The following VILL variants were observed in gnomAD, a reference collection of about 807,000 sequenced individuals.
VILL encodes the protein villin-like protein.
In VILL, 102 loss-of-function variants were observed where a neutral mutation model predicts 106.3. The observed-to-expected ratio is 0.96, with a 90% CI of 0.82 to 1.13. The LOEUF (loss-of-function observed/expected upper bound fraction) is 1.13. Ranked by LOEUF, VILL falls within the 50% of genes most tolerant of loss-of-function variation. VILL has a pLI of 0.00. For synonymous variants in VILL, 431 were observed against 440.3 expected (o/e 0.98, Z 0.27); for missense variants, 1,076 against 1,116.6 (o/e 0.96, Z 0.52).
Position 37,997,731 on chromosome 3 carries a change from C to T in VILL, c.764+46C>T, listed in dbSNP as rs757897590. The T allele has an allele frequency of 3.2e-6, 5 of 1,567,976 alleles. No individual in the cohort carries two copies. In the East Asian group the frequency reaches 9.0e-5, roughly 28 times the overall value. On this transcript the variant is annotated intron_variant, in intron 7 of 19. Coordinates refer to ENST00000383759, the MANE Select transcript of VILL (RefSeq NM_015873.4). The surrounding 1 kb of genome is among the most constrained non-coding windows in gnomAD (Gnocchi z 4.7). Reference sequence around the variant, plus strand: ...CAGGGGTGGGTGGGACAGTCCAGGACTCTGTGTCCATCACTACTGCAATAA... The same window carrying T: ...CAGGGGTGGGTGGGACAGTCCAGGATTCTGTGTCCATCACTACTGCAATAA...
At chr3:37,994,501 G>A (rs1465856026) in intron 4 of VILL, 35 bp downstream of exon 4, 4 of 1,594,654 alleles carry the variant, frequency 2.5e-6, no homozygotes, top group Admixed American at 1.9e-5. Context: ...GGAGGGAGCC[G>A]TGGAGGCGGT....
chr3:38,000,559 C>T (rs555950632), intron 11 of VILL, among the ~76,000 whole-genome samples: 20 of 152,034 alleles, frequency 1.3e-4, no homozygotes, highest in African/African-American at 4.6e-4. Context: ...GAAGGAAAGG[C>T]GAGGGACGGA....
rs770354429 is a variant in VILL at position 38,005,880 on chromosome 3, G to A, written c.2039G>A (p.Arg680Lys). 1 of 1,614,180 alleles carries A rather than the reference G, an allele frequency of 6.2e-7. No homozygotes were observed. Among genetic ancestry groups the A allele is most frequent in the South Asian group, 1.1e-5 (1 of 91,088 alleles). ...TACCTGAAGACTCACCCAGCAGGGAGGAGCCCGGCCACACCCATCGTGCTG... is the reference window on the plus strand; with the variant it reads ...TACCTGAAGACTCACCCAGCAGGGAAGAGCCCGGCCACACCCATCGTGCTG... The part of the protein sequence containing the change: ...QEYLKTHPAG[R>K]SPATPIVLVK... Residue 680 changes from arginine to lysine, a missense_variant, in exon 17 of 20, where the codon AGG becomes AAG. Coordinates refer to ENST00000383759, the MANE Select transcript of VILL (RefSeq NM_015873.4).
In VILL at chr3:38,004,452, TTGTG is replaced by T. The variant is rs1473872443; in HGVS notation, c.1950+55_1950+58del. On this transcript the variant is annotated intron_variant, in intron 16 of 19. Coordinates refer to ENST00000383759, the MANE Select transcript of VILL (RefSeq NM_015873.4). ...GCTGTGAACGGGGGTGTGTTTCTGT[TTGTG>T]TAACTGGGTGTGTGTGTATCTAGCC... 5.1e-6 allele frequency: 8 copies of T among 1,578,270 alleles called. No homozygotes were observed. In the African/African-American group the frequency reaches 9.4e-5, roughly 19 times the overall value.
chr3:38,000,329 G>A (rs1320005407), intron 11 of VILL, among the ~76,000 whole-genome samples: 1 of 152,028 alleles, frequency 6.6e-6, no homozygotes, highest in Non-Finnish European at 1.5e-5. Context: ...GGGGAGACAG[G>A]GAAAGAGGAA....
intron 11 of VILL, chr3:38,001,042 G>A (rs1169665229): frequency 2.1e-6 from 1 of 467,612 alleles, no homozygotes; most frequent in Non-Finnish European, 4.3e-6. Context: ...CAGGCTTTGT[G>A]TTTTCTAAAT....
chr3:38,001,688 G>A lies in VILL; in HGVS notation c.1321-14G>A. Reference sequence around the variant, plus strand: ...GAGCTGGGCCAGGCCCTCACTCACTGCCCCCACCTGCAGGGCCACCAGGCC... The same window carrying A: ...GAGCTGGGCCAGGCCCTCACTCACTACCCCCACCTGCAGGGCCACCAGGCC... On this transcript the variant is annotated splice_polypyrimidine_tract_variant and intron_variant, in intron 12 of 19. Coordinates refer to ENST00000383759, the MANE Select transcript of VILL (RefSeq NM_015873.4). 6.2e-7 allele frequency: 1 copy of A among 1,614,038 alleles called. No homozygotes were observed. Among genetic ancestry groups the A allele is most frequent in the African/African-American group, 1.3e-5 (1 of 75,074 alleles).
Position 38,001,817 on chromosome 3 carries a change from C to T in VILL, c.1436C>T (p.Pro479Leu). ...CATGTGACCATGGGCAGCGAGCCCC[C>T]CCACTTCCTCGCCATCTTCCAGGGC... Reference protein sequence around the residue: ...QEHVTMGSEPPHFLAIFQGQL... With the variant: ...QEHVTMGSEPLHFLAIFQGQL... The change falls in exon 13 of 20, where the codon CCC becomes CTC. Residue 479 changes from proline to leucine, a missense_variant. Pro to Leu is a moderately conservative substitution (Grantham distance 98). Coordinates refer to ENST00000383759, the MANE Select transcript of VILL (RefSeq NM_015873.4). 6.2e-7 allele frequency: 1 copy of T among 1,614,236 alleles called. No homozygotes were observed. Among genetic ancestry groups the T allele is most frequent in the Non-Finnish European group, 8.5e-7 (1 of 1,180,042 alleles).
At chr3:38,004,706 T>C (rs571182255) in intron 16 of VILL, among the ~76,000 whole-genome samples, 8 of 152,316 alleles carry the variant, frequency 5.3e-5, no homozygotes, top group African/African-American at 1.9e-4. Context: ...CGACAGTGCC[T>C]GCGGCCGAGC....
At chr3:37,988,390 T>C (rs1042859099), upstream of VILL, among the ~76,000 whole-genome samples, 2 of 152,072 alleles carry the variant, frequency 1.3e-5, no homozygotes, top group African/African-American at 4.8e-5. Context: ...TCCCTCTAGT[T>C]AGTCAAAATC....
intron 5 of VILL, 72 bp downstream of exon 5, chr3:37,995,919 TG>T: frequency 7.6e-7 from 1 of 1,311,732 alleles, no homozygotes; most frequent in Non-Finnish European, 1.1e-6. Flanking sequence ...ATAAGGAGGT[TG>T]GAAATTGGCT....
Position 37,995,798 on chromosome 3 carries a change from T to G in VILL, c.401T>G (p.Ile134Ser). ...LKHVETNLFN[I>S]QRLLHIKGRK... ...CATGTGGAGACCAACTTGTTCAACA[T>G]CCAGCGACTGCTGCACATCAAAGGG... The change falls in exon 5 of 20, where the codon ATC (isoleucine) becomes AGC (serine). Residue 134 changes from isoleucine (I) to serine (S), a missense_variant. Physicochemically the swap from Ile to Ser is moderately radical, Grantham distance 142 (BLOSUM62 -2). Coordinates refer to ENST00000383759, the MANE Select transcript of VILL (RefSeq NM_015873.4). 6.2e-7 allele frequency: 1 copy of G among 1,613,980 alleles called. No individual in the cohort carries two copies. The highest frequency in any genetic ancestry group is 1.3e-5 in the African/African-American group (1 of 75,044).
Position 38,001,464 on chromosome 3 carries a change from C to T in VILL, c.1191C>T (p.Cys397=), listed in dbSNP as rs747056031. The T allele has an allele frequency of 6.2e-7, 1 of 1,614,046 alleles. No individual in the cohort carries two copies. Among genetic ancestry groups the T allele is most frequent in the Non-Finnish European group, 8.5e-7 (1 of 1,179,940 alleles). Residue 397 remains cysteine, a synonymous_variant, in exon 12 of 20, where the codon TGC becomes TGT. Transcript: ENST00000383759. ...GGTCCCTTATTCCCCAGGTGTGGTG[C>T]ATCCAGGACTTACACAGGCAGCCCG... is the stretch of plus-strand genomic sequence containing the variant. ...DDGSGKVEVW[C]IQDLHRQPVD...
intron 4 of VILL, among the ~76,000 whole-genome samples, chr3:37,995,358 T>C (rs896824668): frequency 6.6e-6 from 1 of 152,236 alleles, no homozygotes; most frequent in Non-Finnish European, 1.5e-5. Flanking sequence ...CTCATGTATG[T>C]CCACCTATAG....
Position 38,003,813 on chromosome 3 carries a change from G to C in VILL, c.1806-442G>C, listed in dbSNP as rs1384922504. The C allele has an allele frequency of 2.6e-5, 5 of 189,388 alleles. No homozygotes were observed. In the Admixed American group the frequency reaches 2.7e-4, roughly 10 times the overall value. The allele number at this position is 189,388 out of a possible 1,614,324, so 11.7% of individuals were successfully genotyped here. A position where few individuals can be genotyped will look rare whatever the true frequency, so the allele number is the denominator to read the frequency against. On this transcript the variant is annotated intron_variant, in intron 15 of 19. Transcript: ENST00000383759. ...AGTCCTGGTCGCTCTTGGTCTGCCT[G>C]TGGGGCTTGGTTTATGTGCTGCACT...
intron 3 of VILL, 87 bp downstream of exon 3, chr3:37,994,059 G>C: frequency 6.4e-7 from 1 of 1,554,276 alleles, no homozygotes; most frequent in Non-Finnish European, 8.9e-7. Flanking sequence ...TCTGCCCTGG[G>C]AAGCGGCAAG....
In VILL at chr3:38,001,939, C is replaced by T. The variant is rs761020090; in HGVS notation, c.1479+79C>T. On this transcript the variant is annotated intron_variant, in intron 13 of 19. Transcript: ENST00000383759. The stretch of plus-strand genomic sequence containing the variant: ...TGGCCCCCGCACACACTTCTAAGCA[C>T]CTTCTCTTTGGGCCTGGGGCCTGCT... 5 of 1,597,886 alleles carry T rather than the reference C, an allele frequency of 3.1e-6. No individual in the cohort carries two copies. In the South Asian group the frequency reaches 3.3e-5, roughly 11 times the overall value.
chr3:38,001,250 G>A, intron 11 of VILL: 1 of 723,496 alleles, frequency 1.4e-6, no homozygotes. Context: ...TGGGTTTCAG[G>A]GGTCCGTGGG....
intron 1 of VILL, among the ~76,000 whole-genome samples, chr3:37,992,187 C>G (rs1013305836): frequency 1.3e-5 from 2 of 152,186 alleles, no homozygotes; most frequent in Non-Finnish European, 2.9e-5. Flanking sequence ...CTACAGCTCA[C>G]AGTTTCTGTC....
Sources: allele counts gnomAD v4.1 joint callset (sites outside exome capture counted in the v4.1 genomes callset), GRCh38; gene constraint gnomAD v4.1.1; non-coding constraint Gnocchi (gnomAD v3.1); transcripts MANE v1.5; gene names NCBI Gene and HGNC (gene_info 2026-07-23, HGNC 2026-07-21).